HDAC9: variants seen among roughly 807,000 people sequenced by gnomAD.
HDAC9 encodes the protein histone deacetylase 9.
In HDAC9, 41 loss-of-function variants were observed where a neutral mutation model predicts 139.4. The ratio of observed to expected loss-of-function variants is 0.29; its 90% CI spans 0.23 to 0.38. The LOEUF is 0.38. Ranked by LOEUF, HDAC9 falls within the 10% of genes least tolerant of loss-of-function variation. HDAC9 has a pLI of 1.00. For missense variants in HDAC9, 1,147 were observed against 1,297.0 expected, an observed-to-expected ratio of 0.88 and a Z score of 1.78; for synonymous variants, 517 against 476.2, an observed-to-expected ratio of 1.09 and a Z score of -1.12.
intron 22 of HDAC9, among the ~76,000 whole-genome samples, chr7:18,934,990 A>T (rs1781524152): frequency 6.6e-6 from 1 of 152,202 alleles, no homozygotes; most frequent in African/African-American, 2.4e-5. Flanking sequence ...AGCTACAGGG[A>T]TCAACAAAGA....
intron 22 of HDAC9, among the ~76,000 whole-genome samples, chr7:18,900,467 C>G (rs1801599417): frequency 6.6e-6 from 1 of 152,078 alleles, no homozygotes; most frequent in African/African-American, 2.4e-5. Context: ...CTGTCTGTCC[C>G]CTCTAGGCTA....
At chr7:18,532,726 T>A (rs1300146139) in intron 2 of HDAC9, among the ~76,000 whole-genome samples, 1 of 152,144 alleles carries the variant, frequency 6.6e-6, no homozygotes, top group African/African-American at 2.4e-5. Context: ...GGAAAAGGTC[T>A]TTTAATGAAA....
chr7:18,784,217 C>G (rs897892977), intron 16 of HDAC9, among the ~76,000 whole-genome samples: 1 of 151,856 alleles, frequency 6.6e-6, no homozygotes, highest in African/African-American at 2.4e-5. Context: ...CCCTTTAACA[C>G]CAAGGAAATC....
chr7:18,579,677 T>C (rs1386087389), intron 2 of HDAC9, among the ~76,000 whole-genome samples: 3 of 152,250 alleles, frequency 2.0e-5, no homozygotes, highest in African/African-American at 7.2e-5. Flanking sequence ...TCTGTAATTA[T>C]GTATATTAAC....
intron 12 of HDAC9, among the ~76,000 whole-genome samples, chr7:18,705,797 G>A (rs1783844699): frequency 6.8e-6 from 1 of 146,814 alleles, no homozygotes. Context: ...AGGCTGCAGT[G>A]AGCCGAGATG....
chr7:18,529,431 G>T (rs1586711134), intron 2 of HDAC9, among the ~76,000 whole-genome samples: 1 of 152,174 alleles, frequency 6.6e-6, no homozygotes, highest in East Asian at 1.9e-4. Flanking sequence ...CCAATTCCAA[G>T]TTAAGTTTTC....
At chr7:18,735,962 T>C (rs1230527290) in intron 13 of HDAC9, among the ~76,000 whole-genome samples, 1 of 152,150 alleles carries the variant, frequency 6.6e-6, no homozygotes, top group Non-Finnish European at 1.5e-5. Flanking sequence ...CCCTTGTAAG[T>C]TGTATTTCTA....
At chr7:18,814,705 T>C (rs370312359) in intron 17 of HDAC9, among the ~76,000 whole-genome samples, 2 of 152,314 alleles carry the variant, frequency 1.3e-5, no homozygotes, top group East Asian at 3.9e-4. Context: ...GGTCAAAATT[T>C]GTATTCAATT....
At chr7:18,686,474 C>G (rs980773229) in intron 12 of HDAC9, among the ~76,000 whole-genome samples, 3 of 151,850 alleles carry the variant, frequency 2.0e-5, no homozygotes, top group African/African-American at 4.8e-5. Flanking sequence ...AAGCTTACAT[C>G]TTGTGGTCAT....
intron 11 of HDAC9, among the ~76,000 whole-genome samples, chr7:18,654,088 A>AC (rs765287836): frequency 6.6e-5 from 10 of 152,166 alleles, no homozygotes; most frequent in Non-Finnish European, 1.5e-4. Flanking sequence ...TTTGAGAAGG[A>AC]GATTAATTAG....
intron 22 of HDAC9, among the ~76,000 whole-genome samples, chr7:18,885,685 C>T (rs546881604): frequency 1.1e-4 from 17 of 152,164 alleles, no homozygotes; most frequent in East Asian, 3.9e-4. Context: ...TAAATATGTA[C>T]GCACTTTTTA....
Position 18,593,976 on chromosome 7 carries a change from A to G in HDAC9, c.611A>G (p.Tyr204Cys). ...AGTGGAACATCTCCATCCTACAAGT[A>G]CACATTACCAGGAGCACAAGATGCA... ...PLSGTSPSYK[Y>C]TLPGAQDAKD... The change falls in exon 6 of 26, where the codon TAC becomes TGC. Residue 204 changes from tyrosine to cysteine, a missense_variant. Around this residue, in one of 7 missense-constraint regions of HDAC9, gnomAD observed 79 missense variants for 65.8 expected, o/e 1.20. Transcript: ENST00000686413. 6.2e-7 allele frequency: 1 copy of G among 1,612,892 alleles called. No homozygotes were observed. Among genetic ancestry groups the G allele is most frequent in the Non-Finnish European group, 8.5e-7 (1 of 1,179,084 alleles).
intron 2 of HDAC9, among the ~76,000 whole-genome samples, chr7:18,497,545 A>G (rs1389616684): frequency 6.6e-6 from 1 of 152,168 alleles, no homozygotes; most frequent in East Asian, 1.9e-4. Flanking sequence ...TGGTATTTAT[A>G]CACTTAAGTG....
chr7:18,176,446 A>T (rs17138719), intron 2 of HDAC9, among the ~76,000 whole-genome samples: 3 of 152,218 alleles, frequency 2.0e-5, no homozygotes, highest in Admixed American at 6.5e-5. Context: ...GTTCATGGAC[A>T]TGTAAATTTT....
intron 2 of HDAC9, among the ~76,000 whole-genome samples, chr7:18,210,255 A>G (rs1163218424): frequency 6.6e-6 from 1 of 152,192 alleles, no homozygotes; most frequent in Non-Finnish European, 1.5e-5. Context: ...CAAAATATTT[A>G]TAGTCTAAGG....
At chr7:18,684,259 A>T (rs1352906167) in intron 12 of HDAC9, among the ~76,000 whole-genome samples, 1 of 151,944 alleles carries the variant, frequency 6.6e-6, no homozygotes, top group Non-Finnish European at 1.5e-5. Context: ...ATCTCAAAAA[A>T]AAAAAAGTAA....
chr7:18,625,065 A>T (rs1274311124), intron 6 of HDAC9, among the ~76,000 whole-genome samples: 1 of 152,170 alleles, frequency 6.6e-6, no homozygotes, highest in Non-Finnish European at 1.5e-5. Flanking sequence ...ACAATGCCTC[A>T]AATGTTATCC....
At chr7:18,193,853 C>G (rs1790540748) in intron 2 of HDAC9, among the ~76,000 whole-genome samples, 1 of 152,170 alleles carries the variant, frequency 6.6e-6, no homozygotes, top group Admixed American at 6.5e-5. Context: ...GCCTTTCTGC[C>G]TGGCAATTCC....
At chr7:18,974,865 C>A (rs1010691955) in intron 24 of HDAC9, among the ~76,000 whole-genome samples, 7 of 152,162 alleles carry the variant, frequency 4.6e-5, no homozygotes, top group African/African-American at 1.7e-4. Context: ...TCTTACTGCC[C>A]AATCCAGCGT....
Sources: allele counts gnomAD v4.1 joint callset (sites outside exome capture counted in the v4.1 genomes callset), GRCh38; gene constraint gnomAD v4.1.1; regional missense constraint gnomAD v4.1.1; transcripts MANE v1.5; gene names NCBI Gene and HGNC (gene_info 2026-07-23, HGNC 2026-07-21).